Variants in TTN observed in about 807,000 individuals in gnomAD.
TTN encodes connectin.
Under a neutral mutation model 3,223.0 loss-of-function variants are expected in TTN, and 1,525 were observed. The ratio of observed to expected loss-of-function variants is 0.47; its 90% CI spans 0.45 to 0.49. The LOEUF (loss-of-function observed/expected upper bound fraction) is 0.49, where lower values mean the gene tolerates loss of function less well. Among genes scored for constraint, TTN ranks in the 20% least tolerant of loss-of-function variants. TTN has a pLI of 0.00. For synonymous variants in TTN, 14,094 were observed against 15,161.0 expected, an observed-to-expected ratio of 0.93 and a Z score of 5.17; for missense variants, 40,786 against 43,424.0, an observed-to-expected ratio of 0.94 and a Z score of 5.40.
Position 178,590,585 on chromosome 2 carries a change from C to T in TTN, c.61140G>A (p.Leu20380=), listed in dbSNP as rs1294560365. ...CAGCTGTTTCTCTGCTCTTGTCTTT[C>T]AGTTTAGGATTAATAGGTGGTCCAG... ...KPPGPPINPK[L]KDKSRETADL... is the part of the protein sequence containing the mutation. Residue 20380 remains leucine, a synonymous_variant, in exon 304 of 363, where the codon CTG becomes CTA. Transcript: ENST00000589042. The T allele has an allele frequency of 6.2e-7, 1 of 1,612,284 alleles. No homozygotes were observed.
chr2:178,727,553 G>A lies in TTN; in HGVS notation c.19993+32C>T, dbSNP rs754527334. The A allele has an allele frequency of 4.6e-6, 7 of 1,533,120 alleles. No homozygotes were observed. The Admixed American group carries it at 8.4e-5, about 18-fold the overall frequency. The allele number at this position is 1,533,120 out of a possible 1,614,324, so 95.0% of individuals were successfully genotyped here. ...ATACAGAGAACCAAAGACACAGTCA[G>A]ACAGAAACATAAAGGAATCAAATTT... is the stretch of plus-strand genomic sequence containing the variant. On this transcript the variant is annotated intron_variant, in intron 68 of 362. Transcript: ENST00000589042.
At position 178,774,761 on chromosome 2, in the gene TTN, T is replaced by G. The variant is rs933368357; in HGVS notation, c.6790+160A>C. The G allele has an allele frequency of 1.1e-5, 10 of 910,656 alleles. No individual in the cohort carries two copies. In the African/African-American group the frequency reaches 1.7e-4, roughly 15 times the overall value. The allele number at this position is 910,656 out of a possible 1,614,324, so 56.4% of individuals were successfully genotyped here. On this transcript the variant is annotated intron_variant, in intron 29 of 362. Coordinates refer to ENST00000589042, the MANE Select transcript of TTN (RefSeq NM_001267550.2). ...AATCCAAATGGTCAAATTGTTAACA[T>G]TCTTAATTACGAACATAAATTTATG... is the stretch of plus-strand genomic sequence containing the variant.
intron 69 of TTN, 50 bp downstream of exon 69, chr2:178,727,040 G>A (rs762170362): frequency 1.4e-6 from 2 of 1,399,032 alleles, no homozygotes; most frequent in South Asian, 4.1e-5. Flanking sequence ...TAATACCCAG[G>A]GGAGAAGGTG....
intron 109 of TTN, 26 bp downstream of exon 109, chr2:178,702,014 G>A (rs757165634): frequency 1.9e-6 from 3 of 1,604,946 alleles, no homozygotes; most frequent in South Asian, 2.2e-5. Context: ...TTGTAAGCAA[G>A]GATTGATTTT....
At chr2:178,772,534 T>C (rs2091684425) in intron 33 of TTN, among the ~76,000 whole-genome samples, 2 of 152,284 alleles carry the variant, frequency 1.3e-5, no homozygotes, top group South Asian at 4.1e-4. Flanking sequence ...CATGATATCA[T>C]AAGAAATACA....
Position 178,556,863 on chromosome 2 carries a change from A to G in TTN, c.88291T>C (p.Cys29431Arg), listed in dbSNP as rs1701716122. ...NPSEVVGPIT[C>R]IDSYGGPVID... is the part of the protein sequence containing the mutation. ...GCATGCTTACCATAAGAATCGATGCAAGTAATGGGCCCTACAACCTCAGAT... is the reference window on the plus strand; with the variant it reads ...GCATGCTTACCATAAGAATCGATGCGAGTAATGGGCCCTACAACCTCAGAT... The change falls in exon 330 of 363, where the codon TGC (cysteine) becomes CGC (arginine). Residue 29431 changes from cysteine to arginine, a missense_variant. Cys to Arg is a radical substitution (Grantham distance 180, BLOSUM62 -3). Coordinates refer to ENST00000589042, the MANE Select transcript of TTN (RefSeq NM_001267550.2). 5 of 1,613,632 alleles carry G rather than the reference A, an allele frequency of 3.1e-6. No homozygotes were observed. The highest frequency in any genetic ancestry group is 4.2e-6 in the Non-Finnish European group (5 of 1,179,804).
Position 178,526,947 on chromosome 2 carries a change from T to C in TTN, c.*65A>G, listed in dbSNP as rs182471439. ...TTTAAATATTTACAGTTCAGAAAGATTAGTCCGTGTGAAACGTTTGCGAAA... is the reference window on the plus strand; with the variant it reads ...TTTAAATATTTACAGTTCAGAAAGACTAGTCCGTGTGAAACGTTTGCGAAA... On this transcript the variant is annotated 3_prime_UTR_variant, in exon 363 of 363. Transcript: ENST00000589042. 1.6e-5 allele frequency: 22 copies of C among 1,395,718 alleles called. No individual in the cohort carries two copies. In the Admixed American group the frequency reaches 4.8e-4, roughly 31 times the overall value. The allele number at this position is 1,395,718 out of a possible 1,614,324, so 86.5% of individuals were successfully genotyped here. A position where few individuals can be genotyped will look rare whatever the true frequency, so the allele number is the denominator to read the frequency against.
chr2:178,553,520 G>C lies in TTN; in HGVS notation c.89485C>G (p.Gln29829Glu). The change falls in exon 334 of 363, where the codon CAA (glutamine) becomes GAA (glutamate). Residue 29829 changes from glutamine to glutamate, a missense_variant. Physicochemically the swap from Gln to Glu is conservative, Grantham distance 29 (BLOSUM62 2). Coordinates refer to ENST00000589042, the MANE Select transcript of TTN (RefSeq NM_001267550.2). ...GEPIEMNEPV[Q>E]AKDILEAPEI... ...TACATACCAAGTATATCTTTAGCTT[G>C]TACAGGTTCATTCATTTCTATAGGT... 6.2e-7 allele frequency: 1 copy of C among 1,612,578 alleles called. No individual in the cohort carries two copies. The highest frequency in any genetic ancestry group is 8.5e-7 in the Non-Finnish European group (1 of 1,179,152).
At position 178,531,857 on chromosome 2, in the gene TTN, T is replaced by A; in HGVS notation, c.104758A>T (p.Thr34920Ser). 6.2e-7 allele frequency: 1 copy of A among 1,613,550 alleles called. No homozygotes were observed. Residue 34920 changes from threonine to serine, a missense_variant, in exon 358 of 363, where the codon ACT becomes TCT. Transcript: ENST00000589042. ...TACTTCCTTTCTGATGTCTTCTGAG[T>A]TTTTAAAGCAGCTTTCATGGACTCA... ...RYESMKAALK[T>S]QKTSERKYEV...
intron 6 of TTN, 145 bp downstream of exon 6, chr2:178,799,342 C>T: frequency 7.8e-7 from 1 of 1,283,562 alleles, no homozygotes; most frequent in Non-Finnish European, 1.1e-6. Context: ...TTTGTATGCT[C>T]CCCTAGAGGT....
rs192945689 is a variant in TTN, at chr2:178,756,221, C to G, written c.11254+1G>C. The stretch of plus-strand genomic sequence containing the variant: ...CAAGTCATAGCTAAAAATCAATTAA[C>G]CACCTTCTACACTTAGTACTGCTGA... On this transcript the variant is annotated splice_donor_variant, in intron 46 of 362. Coordinates refer to ENST00000589042, the MANE Select transcript of TTN (RefSeq NM_001267550.2). LOFTEE classifies it high-confidence loss of function. The G allele has an allele frequency of 1.4e-5, 23 of 1,589,366 alleles. No homozygotes were observed. In the South Asian group the frequency reaches 1.6e-4, roughly 11 times the overall value.
At position 178,594,232 on chromosome 2, in the gene TTN, C is replaced by T. The variant is rs758252986; in HGVS notation, c.58161G>A (p.Thr19387=). ...ITCKDELAPP[T]LHLDFRDKLT... ...GCTTATCTCTGAAGTCGAGGTGAAG[C>T]GTTGGGGGTGCTAAAATTTGTAATT... The change falls in exon 297 of 363, where the codon ACG becomes ACA. Residue 19387 remains threonine, a synonymous_variant. Coordinates refer to ENST00000589042, the MANE Select transcript of TTN (RefSeq NM_001267550.2). 12 of 1,606,354 alleles carry T rather than the reference C, an allele frequency of 7.5e-6. No individual in the cohort carries two copies. Among genetic ancestry groups the T allele is most frequent in the Admixed American group, 1.7e-5 (1 of 57,724 alleles).
Position 178,594,055 on chromosome 2 carries a change from C to A in TTN, c.58338G>T (p.Lys19446Asn), listed in dbSNP as rs536286313. ...CGGAATCTGAACGTTTGGCCTTGATCTTCTCTAAAGCAAGTGTTGCTGGTG... is the reference window on the plus strand; with the variant it reads ...CGGAATCTGAACGTTTGGCCTTGATATTCTCTAAAGCAAGTGTTGCTGGTG... The part of the protein sequence containing the change: ...KTTPATLALE[K>N]IKAKRSDSGK... The change falls in exon 297 of 363, where the codon AAG becomes AAT. Residue 19446 changes from lysine to asparagine, a missense_variant. Coordinates refer to ENST00000589042, the MANE Select transcript of TTN (RefSeq NM_001267550.2). The A allele has an allele frequency of 6.2e-7, 1 of 1,613,528 alleles. No individual in the cohort carries two copies. The highest frequency in any genetic ancestry group is 1.3e-5 in the African/African-American group (1 of 75,024).
chr2:178,537,591 A>G lies in TTN; in HGVS notation c.99616T>C (p.Tyr33206His). The change falls in exon 355 of 363, where the codon TAT becomes CAT. Residue 33206 changes from tyrosine (Y) to histidine (H), a missense_variant. Physicochemically the swap from Tyr to His is moderately conservative, Grantham distance 83. Coordinates refer to ENST00000589042, the MANE Select transcript of TTN (RefSeq NM_001267550.2). The part of the protein sequence containing the change: ...FHPGYPLKEK[Y>H]YGAVGSTLRL... ...AGTGTGGAACCCACAGCTCCATAAT[A>G]TTTCTCTTTCAGTGGGTAACCAGGA... 1 of 1,613,646 alleles carries G rather than the reference A, an allele frequency of 6.2e-7. No individual in the cohort carries two copies. The highest frequency in any genetic ancestry group is 1.1e-5 in the South Asian group (1 of 91,074).
intron 47 of TTN, chr2:178,747,773 C>T (rs1213783906): frequency 6.2e-7 from 1 of 1,611,950 alleles, no homozygotes; most frequent in South Asian, 1.1e-5. Flanking sequence ...TATCATTTCT[C>T]CTTCTAAAGT....
At position 178,588,101 on chromosome 2, in the gene TTN, T is replaced by A. The variant is rs1201894498; in HGVS notation, c.63306A>T (p.Glu21102Asp). Residue 21102 changes from glutamate (E) to aspartate (D), a missense_variant, in exon 305 of 363, where the codon GAA (glutamate) becomes GAT (aspartate). Physicochemically the swap from Glu to Asp is conservative, Grantham distance 45 (BLOSUM62 2). Transcript: ENST00000589042. ...GGAPIIGYVVEMRPKIADASP... is the reference protein window; with the variant it reads ...GGAPIIGYVVDMRPKIADASP... The stretch of plus-strand genomic sequence containing the variant: ...ACGCATCTGCTATTTTTGGTCTCAT[T>A]TCCACAACATATCCAATGATCGGTG... 6.2e-7 allele frequency: 1 copy of A among 1,612,900 alleles called. No individual in the cohort carries two copies. Among genetic ancestry groups the A allele is most frequent in the South Asian group, 1.1e-5 (1 of 91,040 alleles).
rs1171035485 is a variant in TTN, at chr2:178,778,992, C to T, written c.4090G>A (p.Ala1364Thr). 6.8e-6 allele frequency: 11 copies of T among 1,613,884 alleles called. No individual in the cohort carries two copies. In the Admixed American group the frequency reaches 1.7e-4, roughly 24 times the overall value. Reference sequence around the variant, plus strand: ...TTTCCTTTAATATTGCTGGCAAATGCAGTGTAGATTCCTTCATCTTCTGGA... The same window carrying T: ...TTTCCTTTAATATTGCTGGCAAATGTAGTGTAGATTCCTTCATCTTCTGGA... ...VLPEDEGIYT[A>T]FASNIKGNAI... The change falls in exon 24 of 363, where the codon GCA becomes ACA. Residue 1364 changes from alanine to threonine, a missense_variant. Ala to Thr is a moderately conservative substitution (Grantham distance 58). Transcript: ENST00000589042.
At position 178,621,252 on chromosome 2, in the gene TTN, C is replaced by T. The variant is rs1375058579; in HGVS notation, c.45466G>A (p.Asp15156Asn). 5.6e-6 allele frequency: 9 copies of T among 1,612,322 alleles called. No homozygotes were observed. Among genetic ancestry groups the T allele is most frequent in the Non-Finnish European group, 7.6e-6 (9 of 1,179,098 alleles). The change falls in exon 246 of 363, where the codon GAT becomes AAT. Residue 15156 changes from aspartate (D) to asparagine (N), a missense_variant. Transcript: ENST00000589042. The stretch of plus-strand genomic sequence containing the variant: ...TTATCTCCAGATTCAAGTGTCTTAT[C>T]ATCCCTCTTCCACTGGACTGGAAAG... ...ESFPVQWKRDDKTLESGDKYD... is the reference protein window; with the variant it reads ...ESFPVQWKRDNKTLESGDKYD...
chr2:178,553,107 A>C lies in TTN; in HGVS notation c.89793T>G (p.Leu29931=), dbSNP rs1700038225. The change falls in exon 335 of 363, where the codon CTT becomes CTG. Residue 29931 remains leucine (L), a synonymous_variant. Transcript: ENST00000589042. ...PKSSTVSVKV[L]DTPAACQKLQ... ...GTTTCTGGCAGGCAGCTGGTGTGTCAAGCACTTTAACACTCACAGTTGAAG... is the reference window on the plus strand; with the variant it reads ...GTTTCTGGCAGGCAGCTGGTGTGTCCAGCACTTTAACACTCACAGTTGAAG... 6.2e-6 allele frequency: 10 copies of C among 1,611,834 alleles called. No individual in the cohort carries two copies. The highest frequency in any genetic ancestry group is 8.5e-6 in the Non-Finnish European group (10 of 1,178,320).
Sources: allele counts gnomAD v4.1 joint callset (sites outside exome capture counted in the v4.1 genomes callset), GRCh38; gene constraint gnomAD v4.1.1; transcripts MANE v1.5; gene names NCBI Gene and HGNC (gene_info 2026-07-23, HGNC 2026-07-21).